Variants in DIDO1 observed in about 807,000 individuals in gnomAD.
DIDO1 encodes the protein death-inducer obliterator 1.
In DIDO1, 16 loss-of-function variants were observed where a neutral mutation model predicts 99.4. The observed-to-expected ratio is 0.16, with a 90% CI of 0.11 to 0.24. The LOEUF (loss-of-function observed/expected upper bound fraction) is 0.24. Among genes scored for constraint, DIDO1 ranks in the 10% least tolerant of loss-of-function variants. DIDO1 has a pLI of 1.00. For missense variants in DIDO1, 2,996 were observed against 3,014.0 expected (o/e 0.99, Z 0.14); for synonymous variants, 1,366 against 1,239.1 (o/e 1.10, Z -2.15).
chr20:62,894,165 C>T lies in DIDO1; in HGVS notation c.2602G>A (p.Ala868Thr), dbSNP rs933404535. 4 of 1,613,766 alleles carry T rather than the reference C, an allele frequency of 2.5e-6. No individual in the cohort carries two copies. In the South Asian group the frequency reaches 4.4e-5, roughly 18 times the overall value. The change falls in exon 12 of 16, where the codon GCT becomes ACT. Residue 868 changes from alanine (A) to threonine (T), a missense_variant. Transcript: ENST00000395343. The surrounding 1 kb of genome is among the most constrained non-coding windows in gnomAD (Gnocchi z 4.4). ...GQVPSAEDEP[A>T]PKKQKLSASV... ...GCTGACAATTTTTGTTTTTTCGGAG[C>T]TGGCTCATCTTCTGCGGAGGGAACC...
At position 62,910,768 on chromosome 20, in the gene DIDO1, A is replaced by G; in HGVS notation, c.839+6T>C. On this transcript the variant is annotated splice_donor_region_variant and intron_variant, in intron 3 of 15. Coordinates refer to ENST00000395343, the MANE Select transcript of DIDO1 (RefSeq NM_001193369.2). The stretch of plus-strand genomic sequence containing the variant: ...GGATTTCTGTGGGTGCCCACACATG[A>G]CCCACCTGTTGTTGTGAGGCTGGCG... 6.2e-7 allele frequency: 1 copy of G among 1,607,832 alleles called. No individual in the cohort carries two copies. Among genetic ancestry groups the G allele is most frequent in the Middle Eastern group, 1.7e-4 (1 of 6,034 alleles).
chr20:62,880,568 C>A lies in DIDO1; in HGVS notation c.5388G>T (p.Pro1796=). 1 of 1,612,896 alleles carries A rather than the reference C, an allele frequency of 6.2e-7. No homozygotes were observed. Among genetic ancestry groups the A allele is most frequent in the Non-Finnish European group, 8.5e-7 (1 of 1,179,998 alleles). The change falls in exon 16 of 16, where the codon CCG becomes CCT. Residue 1796 remains proline, a synonymous_variant. Transcript: ENST00000395343. ...IASNDGPRGP[P]PARFGAQKGP... Reference sequence around the variant, plus strand: ...CCTTCTGGGCTCCGAATCTGGCTGGCGGAGGCCCTCGTGGCCCATCGTTAG... The same window carrying A: ...CCTTCTGGGCTCCGAATCTGGCTGGAGGAGGCCCTCGTGGCCCATCGTTAG...
chr20:62,936,004 C>T (rs2065379313), intron 1 of DIDO1, among the ~76,000 whole-genome samples: 1 of 152,252 alleles, frequency 6.6e-6, no homozygotes, highest in African/African-American at 2.4e-5. Context: ...GAGCATTAAC[C>T]TGTGACCCAC....
chr20:62,923,175 AATT>A (rs1290108757), intron 1 of DIDO1, among the ~76,000 whole-genome samples: 1 of 151,190 alleles, frequency 6.6e-6, no homozygotes, highest in East Asian at 1.9e-4. Context: ...TGCTTGGCCT[AATT>A]ATTATTATTT....
chr20:62,881,939 G>T lies in DIDO1; in HGVS notation c.4017C>A (p.Thr1339=). Residue 1339 remains threonine, a synonymous_variant, in exon 16 of 16, where the codon ACC becomes ACA. Transcript: ENST00000395343. This position sits in a 1 kb window ranked among gnomAD's most constrained non-coding sequence, Gnocchi z 8.3. ...TTTTGGGCTCCTGGGGGAGACCTGCGGTGGACCCGGGAGGCTCTCTGGCGG... is the reference window on the plus strand; with the variant it reads ...TTTTGGGCTCCTGGGGGAGACCTGCTGTGGACCCGGGAGGCTCTCTGGCGG... ...DPSAREPPGS[T]AGLPQEPKTT... The T allele has an allele frequency of 3.1e-6, 5 of 1,613,368 alleles. No individual in the cohort carries two copies. The highest frequency in any genetic ancestry group is 4.2e-6 in the Non-Finnish European group (5 of 1,180,036).
Position 62,894,693 on chromosome 20 carries a change from C to T in DIDO1, c.2436+117G>A, listed in dbSNP as rs893829146. ...ATCTAATACAAGGACTGAGGAATGC[C>T]ACAATGACATACACCTGCTGTAAGC... On this transcript the variant is annotated intron_variant, in intron 10 of 15. Coordinates refer to ENST00000395343, the MANE Select transcript of DIDO1 (RefSeq NM_001193369.2). This position sits in a 1 kb window ranked among gnomAD's most constrained non-coding sequence, Gnocchi z 4.4. The T allele has an allele frequency of 1.2e-4, 164 of 1,408,518 alleles. No homozygotes were observed. Among genetic ancestry groups the T allele is most frequent in the Non-Finnish European group, 1.4e-4 (150 of 1,043,410 alleles). The allele number at this position is 1,408,518 out of a possible 1,614,324, so 87.3% of individuals were successfully genotyped here.
intron 13 of DIDO1, 84 bp downstream of exon 13, chr20:62,892,724 TA>T: frequency 6.7e-7 from 1 of 1,491,322 alleles, no homozygotes; most frequent in South Asian, 1.3e-5. Flanking sequence ...CCTCATGAAT[TA>T]AGGGAGAAAG....
intron 6 of DIDO1, among the ~76,000 whole-genome samples, chr20:62,898,902 G>A (rs1484123362): frequency 1.3e-5 from 2 of 152,190 alleles, no homozygotes; most frequent in East Asian, 3.8e-4. Context: ...TTGAAAATCT[G>A]TTTTTAACAA....
At chr20:62,919,886 C>G (rs993382746) in intron 1 of DIDO1, among the ~76,000 whole-genome samples, 3 of 152,162 alleles carry the variant, frequency 2.0e-5, no homozygotes, top group Non-Finnish European at 4.4e-5. Flanking sequence ...ATGCCAGGAA[C>G]CAGAAACAGT....
chr20:62,922,066 ACTATATACACTATATACACACT>A (rs1213245347), intron 1 of DIDO1, among the ~76,000 whole-genome samples: 1 of 139,658 alleles, frequency 7.2e-6, no homozygotes, highest in African/African-American at 2.7e-5. Context: ...ATATACACAC[ACTATATACACTATATACACACT>A]ATATATACAC....
chr20:62,935,192 T>C (rs1468468462), intron 1 of DIDO1, among the ~76,000 whole-genome samples: 3 of 152,182 alleles, frequency 2.0e-5, no homozygotes, highest in African/African-American at 7.2e-5. Context: ...TGGTCTTCCT[T>C]CTTAGCTCCC....
Position 62,896,264 on chromosome 20 carries a change from A to C in DIDO1, c.2183T>G (p.Ile728Ser). 6.2e-7 allele frequency: 1 copy of C among 1,613,818 alleles called. No individual in the cohort carries two copies. The highest frequency in any genetic ancestry group is 8.5e-7 in the Non-Finnish European group (1 of 1,179,948). ...TTTAGGGTCCTTCAGGTTGAACATG[A>C]TGCTGCGATATTTACTCTTGTAGCG... ...DNRYKSKYRS[I>S]MFNLKDPKNQ... Residue 728 changes from isoleucine (I) to serine (S), a missense_variant, in exon 8 of 16, where the codon ATC becomes AGC. Around this residue, in one of 5 missense-constraint regions of DIDO1, gnomAD observed 898 missense variants for 972.7 expected, o/e 0.92. Transcript: ENST00000395343. This position sits in a 1 kb window ranked among gnomAD's most constrained non-coding sequence, Gnocchi z 4.4.
At chr20:62,903,308 C>T (rs1278784582) in intron 6 of DIDO1, among the ~76,000 whole-genome samples, 4 of 152,210 alleles carry the variant, frequency 2.6e-5, no homozygotes, top group South Asian at 2.1e-4. Context: ...CCAGGTCAAC[C>T]GAGTGCCATG....
At chr20:62,901,478 C>T (rs2064679186) in intron 6 of DIDO1, among the ~76,000 whole-genome samples, 3 of 152,192 alleles carry the variant, frequency 2.0e-5, no homozygotes, top group Admixed American at 1.3e-4. Flanking sequence ...CCCAAGATCT[C>T]CCACACGAGT....
At chr20:62,895,285 C>G (rs2064493659) in intron 8 of DIDO1, 120 bp from the exon 9 acceptor site, 1 of 884,192 alleles carries the variant, frequency 1.1e-6, no homozygotes, top group Non-Finnish European at 1.8e-6. Flanking sequence ...CCCTCAGGGC[C>G]CACTTGCGTG....
upstream of DIDO1, among the ~76,000 whole-genome samples, chr20:62,929,692 A>AAAAAAAAAAAAAAAAAAAAAATATAT: frequency 1.6e-5 from 1 of 63,710 alleles, no homozygotes; most frequent in African/African-American, 7.6e-5. Context: ...AAAAAGAAAA[A>AAAAAAAAAAAAAAAAAAAAAATATAT]GTGTATATAT....
intron 6 of DIDO1, chr20:62,905,263 G>T: frequency 1.4e-5 from 19 of 1,350,652 alleles, no homozygotes; most frequent in Non-Finnish European, 1.8e-5. Context: ...TTACCGTGGG[G>T]CCTATGAAGC....
chr20:62,936,965 T>C (rs2065394349), intron 1 of DIDO1, among the ~76,000 whole-genome samples: 1 of 152,274 alleles, frequency 6.6e-6, no homozygotes, highest in Non-Finnish European at 1.5e-5. Context: ...TGAAGCATAA[T>C]TTTGTCAAGA....
In DIDO1 at chr20:62,881,252, A is replaced by T; in HGVS notation, c.4704T>A (p.Thr1568=). The change falls in exon 16 of 16, where the codon ACT becomes ACA. Residue 1568 remains threonine, a synonymous_variant. Coordinates refer to ENST00000395343, the MANE Select transcript of DIDO1 (RefSeq NM_001193369.2). This position sits in a 1 kb window ranked among gnomAD's most constrained non-coding sequence, Gnocchi z 8.3. ...RDPRQARRLA[T]ETGEGEGEPL... is the part of the protein sequence containing the mutation. ...GCTCCCCCTCCCCCTCACCGGTCTCAGTGGCCAGGCGCCTCGCCTGCCGGG... is the reference window on the plus strand; with the variant it reads ...GCTCCCCCTCCCCCTCACCGGTCTCTGTGGCCAGGCGCCTCGCCTGCCGGG... 1 of 1,602,622 alleles carries T rather than the reference A, an allele frequency of 6.2e-7. No homozygotes were observed. Among genetic ancestry groups the T allele is most frequent in the Non-Finnish European group, 8.5e-7 (1 of 1,177,696 alleles).
Sources: allele counts gnomAD v4.1 joint callset (sites outside exome capture counted in the v4.1 genomes callset), GRCh38; gene constraint gnomAD v4.1.1; regional missense constraint gnomAD v4.1.1; non-coding constraint Gnocchi (gnomAD v3.1); transcripts MANE v1.5; gene names NCBI Gene and HGNC (gene_info 2026-07-23, HGNC 2026-07-21).